Variants in GRIK1 observed in about 807,000 individuals in gnomAD.
GRIK1 encodes glutamate ionotropic receptor kainate type subunit 1.
Under a neutral mutation model 105.7 loss-of-function variants are expected in GRIK1, and 69 were observed. That is an observed-to-expected ratio of 0.65 (90% CI 0.54 to 0.80). The LOEUF (loss-of-function observed/expected upper bound fraction) is 0.80. Ranked by LOEUF, GRIK1 falls within the 30% of genes least tolerant of loss-of-function variation. The pLI, the probability that GRIK1 is intolerant of heterozygous loss-of-function variation, is 0.00. For synonymous variants in GRIK1, 438 were observed against 431.3 expected, an observed-to-expected ratio of 1.02 and a Z score of -0.19; for missense variants, 1,109 against 1,167.3, an observed-to-expected ratio of 0.95 and a Z score of 0.73.
At chr21:29,875,856 T>C (rs2069173233) in intron 1 of GRIK1, among the ~76,000 whole-genome samples, 1 of 152,226 alleles carries the variant, frequency 6.6e-6, no homozygotes, top group Non-Finnish European at 1.5e-5. Context: ...TTCTTTGTTT[T>C]AGCTCATAAT....
intron 1 of GRIK1, among the ~76,000 whole-genome samples, chr21:29,790,298 CG>C (rs577240865): frequency 1.5e-3 from 233 of 152,226 alleles, no homozygotes; most frequent in African/African-American, 5.4e-3. Flanking sequence ...CTGCCCACCT[CG>C]GCCTCCCAAA....
intron 1 of GRIK1, among the ~76,000 whole-genome samples, chr21:29,742,773 T>C (rs546177993): frequency 6.6e-6 from 1 of 152,364 alleles, no homozygotes; most frequent in South Asian, 2.1e-4. Context: ...GTGTATTTTA[T>C]GAACATAGTG....
chr21:29,550,074 C>T lies in GRIK1; in HGVS notation c.2607+4978G>A, dbSNP rs144966579. On this transcript the variant is annotated intron_variant, in intron 16 of 17. Transcript: ENST00000327783. Reference sequence around the variant, plus strand: ...AGTGAGCCAAGATGGCGTGACTGCACTCCAGCCTGGGCGACAGAGAAAGAC... The same window carrying T: ...AGTGAGCCAAGATGGCGTGACTGCATTCCAGCCTGGGCGACAGAGAAAGAC... 8.5e-3 allele frequency among the ~76,000 whole-genome samples: 1,174 copies of T among 137,996 alleles called. 17 individuals are homozygous for T. Among genetic ancestry groups the T allele is most frequent in the African/African-American group, 0.032 (1,120 of 34,830 alleles). 90.5% of individuals were successfully genotyped at this position (137,996 alleles called of 152,430 possible). A position where few individuals can be genotyped will look rare whatever the true frequency, so the allele number is the denominator to read the frequency against.
intron 1 of GRIK1, among the ~76,000 whole-genome samples, chr21:29,717,504 A>G (rs2064207636): frequency 1.3e-5 from 2 of 152,246 alleles, no homozygotes; most frequent in African/African-American, 4.8e-5. Flanking sequence ...ATGTGCAACA[A>G]GGAGTCAAAG....
intron 3 of GRIK1, among the ~76,000 whole-genome samples, chr21:29,681,401 C>A (rs2063373419): frequency 6.6e-6 from 1 of 152,188 alleles, no homozygotes; most frequent in Admixed American, 6.5e-5. Context: ...ATCTCCCCTC[C>A]CCTCTTACTC....
At chr21:29,910,180 A>G (rs1236666592) in intron 1 of GRIK1, among the ~76,000 whole-genome samples, 1 of 152,074 alleles carries the variant, frequency 6.6e-6, no homozygotes, top group East Asian at 1.9e-4. Flanking sequence ...TGTACCCACA[A>G]AAAATTTTTA....
chr21:29,859,692 G>A (rs2068577543), intron 1 of GRIK1, among the ~76,000 whole-genome samples: 1 of 152,176 alleles, frequency 6.6e-6, no homozygotes, highest in African/African-American at 2.4e-5. Flanking sequence ...CACTGGGTGG[G>A]GACGCTAACC....
intron 1 of GRIK1, among the ~76,000 whole-genome samples, chr21:29,874,542 C>A (rs533258673): frequency 6.6e-6 from 1 of 152,164 alleles, no homozygotes; most frequent in Non-Finnish European, 1.5e-5. Context: ...TTCATTTGTT[C>A]GTCCGCCGCT....
In GRIK1 at chr21:29,581,488, C is replaced by T. The variant is rs1356851760; in HGVS notation, c.1849G>A (p.Val617Met). 1.9e-6 allele frequency: 3 copies of T among 1,613,306 alleles called. No homozygotes were observed. The highest frequency in any genetic ancestry group is 1.7e-6 in the Non-Finnish European group (2 of 1,179,372). Residue 617 changes from valine (V) to methionine (M), a missense_variant, in exon 13 of 18, where the codon GTG becomes ATG. This residue lies in a region of GRIK1 where 264 missense variants were observed against 306.9 expected (regional missense o/e 0.86). Coordinates refer to ENST00000327783, the MANE Select transcript of GRIK1 (RefSeq NM_001330994.2). Reference protein sequence around the residue: ...PHPCNPDSDVVENNFTLLNSF... With the variant: ...PHPCNPDSDVMENNFTLLNSF... ...TTTAGTAAAGTAAAATTGTTTTCCA[C>T]CACGTCTGAGTCAGGGTTGCATGGG...
At chr21:29,829,202 A>ACCTCT (rs1309472996) in intron 1 of GRIK1, among the ~76,000 whole-genome samples, 2 of 152,100 alleles carry the variant, frequency 1.3e-5, no homozygotes, top group Non-Finnish European at 2.9e-5. Context: ...TGCTGCAGTG[A>ACCTCT]CCTCTCTAAG....
At chr21:29,867,596 AC>A (rs1206159203) in intron 1 of GRIK1, among the ~76,000 whole-genome samples, 2 of 152,034 alleles carry the variant, frequency 1.3e-5, no homozygotes, top group Admixed American at 1.3e-4. Flanking sequence ...GGAGTTCAAG[AC>A]CAGCCTAACC....
At chr21:29,600,970 C>A (rs1338507706) in intron 7 of GRIK1, among the ~76,000 whole-genome samples, 1 of 152,196 alleles carries the variant, frequency 6.6e-6, no homozygotes, top group African/African-American at 2.4e-5. Context: ...TTAGTCTAAA[C>A]CTTGACTTTA....
At chr21:29,821,070 A>T (rs1213755088) in intron 1 of GRIK1, among the ~76,000 whole-genome samples, 2 of 151,792 alleles carry the variant, frequency 1.3e-5, no homozygotes, top group East Asian at 3.9e-4. Flanking sequence ...AAAAAAAAAA[A>T]AATCCATGTA....
intron 1 of GRIK1, among the ~76,000 whole-genome samples, chr21:29,855,283 T>C (rs1313516521): frequency 6.6e-6 from 1 of 152,172 alleles, no homozygotes; most frequent in African/African-American, 2.4e-5. Context: ...TAAAAAAGAA[T>C]AATATTGGTT....
chr21:29,784,252 A>T (rs1387783435), intron 1 of GRIK1, among the ~76,000 whole-genome samples: 2 of 152,228 alleles, frequency 1.3e-5, no homozygotes, highest in East Asian at 3.8e-4. Flanking sequence ...CTGTTAAAAA[A>T]TACTAGAATC....
At chr21:29,782,886 C>T (rs932520787) in intron 1 of GRIK1, among the ~76,000 whole-genome samples, 2 of 152,162 alleles carry the variant, frequency 1.3e-5, no homozygotes, top group Admixed American at 1.3e-4. Context: ...CTGCAATGAA[C>T]ATCCCTACTC....
intron 16 of GRIK1, among the ~76,000 whole-genome samples, chr21:29,547,190 G>A (rs371293281): frequency 2.4e-4 from 36 of 152,326 alleles, no homozygotes; most frequent in African/African-American, 8.4e-4. Context: ...TGTCTGTAAT[G>A]ATTTGCTTAT....
intron 1 of GRIK1, among the ~76,000 whole-genome samples, chr21:29,767,836 G>A (rs993717005): frequency 3.3e-5 from 5 of 150,644 alleles, no homozygotes; most frequent in African/African-American, 9.9e-5. Flanking sequence ...GTGTGTTTGT[G>A]TGTGTGTGTT....
chr21:29,662,590 A>G (rs1267343037), intron 4 of GRIK1, among the ~76,000 whole-genome samples: 7 of 152,148 alleles, frequency 4.6e-5, no homozygotes, highest in Non-Finnish European at 8.8e-5. Context: ...AATGAAAACT[A>G]TACCTCAAAT....
Sources: allele counts gnomAD v4.1 joint callset (sites outside exome capture counted in the v4.1 genomes callset), GRCh38; gene constraint gnomAD v4.1.1; regional missense constraint gnomAD v4.1.1; transcripts MANE v1.5; gene names NCBI Gene and HGNC (gene_info 2026-07-23, HGNC 2026-07-21).